The following USP12 variants were observed in gnomAD, a reference collection of about 807,000 sequenced individuals.
USP12 encodes ubiquitin specific peptidase 12, also known as ubiquitin carboxyl-terminal hydrolase 12.
A neutral mutation model predicts 45.5 loss-of-function variants in USP12; 19 were observed. The observed-to-expected ratio is 0.42, with a 90% CI of 0.29 to 0.61. The LOEUF (loss-of-function observed/expected upper bound fraction) is 0.61. Among genes scored for constraint, USP12 ranks in the 20% least tolerant of loss-of-function variants. USP12 has a pLI of 0.22. For missense variants in USP12, 242 were observed against 447.7 expected (o/e 0.54, Z 4.15); for synonymous variants, 149 against 148.8 (o/e 1.00, Z -0.01).
Position 27,154,311 on chromosome 13 carries a change from T to C in USP12, c.48+17281A>G, listed in dbSNP as rs532492724. ...GCATATAGCATAGGTTTTATTCATT[T>C]CATCCATTTTTGTAACCTCTCATGC... On this transcript the variant is annotated intron_variant, in intron 1 of 8. Transcript: ENST00000282344. Among the ~76,000 whole-genome samples, 27 of 125,560 alleles carry C rather than the reference T, an allele frequency of 2.2e-4. No homozygotes were observed. The South Asian group carries it at 0.011, about 51-fold the overall frequency. 82.4% of individuals were successfully genotyped at this position (125,560 alleles called of 152,430 possible).
intron 1 of USP12, among the ~76,000 whole-genome samples, chr13:27,154,291 T>C (rs926451534): frequency 6.6e-6 from 1 of 151,274 alleles, no homozygotes; most frequent in Non-Finnish European, 1.5e-5. Flanking sequence ...CAAGGGCATA[T>C]AGCATAGGTT....
At chr13:27,083,962 T>A (rs1218530134) in intron 6 of USP12, among the ~76,000 whole-genome samples, 4 of 151,610 alleles carry the variant, frequency 2.6e-5, no homozygotes, top group Non-Finnish European at 1.5e-5. Flanking sequence ...CCTCCCAGGT[T>A]CAAGTGATTC....
Position 27,122,600 on chromosome 13 carries a change from C to T in USP12, c.49-6004G>A, listed in dbSNP as rs188821501. Among the ~76,000 whole-genome samples, 672 of 151,892 alleles carry T rather than the reference C, an allele frequency of 4.4e-3. 3 individuals carry two copies. Among genetic ancestry groups the T allele is most frequent in the Non-Finnish European group, 6.8e-3 (463 of 67,988 alleles). ...CTGGGAAGTGGAAGCTGCAGTGAGC[C>T]GGGAGTGTGCCACTACACCCCAGCC... On this transcript the variant is annotated intron_variant, in intron 1 of 8. Transcript: ENST00000282344.
At chr13:27,153,306 C>CA (rs1197213129) in intron 1 of USP12, among the ~76,000 whole-genome samples, 6 of 150,218 alleles carry the variant, frequency 4.0e-5, no homozygotes, top group Admixed American at 6.6e-5. Context: ...GACTCCGTCT[C>CA]AAAAAAAAAT....
At chr13:27,091,474 T>A (rs770423974) in intron 4 of USP12, among the ~76,000 whole-genome samples, 3 of 152,228 alleles carry the variant, frequency 2.0e-5, no homozygotes, top group Non-Finnish European at 4.4e-5. Context: ...ATATTTGCGA[T>A]TGAGTTGGTG....
chr13:27,066,254 C>T lies in USP12; in HGVS notation c.*3029G>A, dbSNP rs1872985715. On this transcript the variant is annotated 3_prime_UTR_variant, in exon 9 of 9. Coordinates refer to ENST00000282344, the MANE Select transcript of USP12 (RefSeq NM_182488.4). Reference sequence around the variant, plus strand: ...ACAGACATTATCTCTAATTAATCCCCACAACAACCCTGTGAGGTAGGTATT... The same window carrying T: ...ACAGACATTATCTCTAATTAATCCCTACAACAACCCTGTGAGGTAGGTATT... 1.3e-5 allele frequency: 2 copies of T among 152,118 alleles called. No individual in the cohort carries two copies. The highest frequency in any genetic ancestry group is 4.8e-5 in the African/African-American group (2 of 41,406). The allele number at this position is 152,118 out of a possible 1,614,324, so 9.4% of individuals were successfully genotyped here. A position where few individuals can be genotyped will look rare whatever the true frequency, so the allele number is the denominator to read the frequency against.
intron 6 of USP12, among the ~76,000 whole-genome samples, chr13:27,082,119 A>G (rs1430439806): frequency 2.0e-5 from 3 of 152,158 alleles, no homozygotes; most frequent in Admixed American, 6.5e-5. Flanking sequence ...CTGGGCGCTC[A>G]CTTCTCTCTA....
chr13:27,160,135 A>G (rs1878038191), intron 1 of USP12, among the ~76,000 whole-genome samples: 1 of 152,192 alleles, frequency 6.6e-6, no homozygotes, highest in African/African-American at 2.4e-5. Flanking sequence ...AAAACTCAAT[A>G]AAGAAAGAAA....
rs114531534 is a variant in USP12, at chr13:27,073,582, T to G, written c.932+1609A>C. On this transcript the variant is annotated intron_variant, in intron 7 of 8. Coordinates refer to ENST00000282344, the MANE Select transcript of USP12 (RefSeq NM_182488.4). ...AGTCAGGCATCTCAGCTCAGTATAT[T>G]GTGAGTAGAGCAATTCTAAAAATCT... is the stretch of plus-strand genomic sequence containing the variant. Among the ~76,000 whole-genome samples, 1,070 of 152,284 alleles carry G rather than the reference T, an allele frequency of 7.0e-3. 15 individuals carry two copies. The highest frequency in any genetic ancestry group is 0.024 in the African/African-American group (1,013 of 41,548).
At chr13:27,119,568 A>G (rs1453504399) in intron 1 of USP12, among the ~76,000 whole-genome samples, 2 of 152,252 alleles carry the variant, frequency 1.3e-5, no homozygotes, top group Non-Finnish European at 2.9e-5. Flanking sequence ...TAAGATTTTC[A>G]TGGCTAAAAC....
intron 3 of USP12, among the ~76,000 whole-genome samples, chr13:27,096,426 A>G (rs1302522335): frequency 6.6e-6 from 1 of 152,236 alleles, no homozygotes; most frequent in African/African-American, 2.4e-5. Context: ...GTGAGACTTT[A>G]TAATTCCACA....
intron 1 of USP12, among the ~76,000 whole-genome samples, chr13:27,143,216 T>A (rs765134384): frequency 6.6e-6 from 1 of 151,758 alleles, no homozygotes; most frequent in Admixed American, 6.6e-5. Flanking sequence ...TTGATTATTA[T>A]CAAACAACTA....
intron 1 of USP12, among the ~76,000 whole-genome samples, chr13:27,144,972 T>C (rs1218855748): frequency 1.3e-5 from 2 of 151,184 alleles, no homozygotes; most frequent in East Asian, 3.9e-4. Context: ...AAGGCAGAGG[T>C]GGGAGAATCA....
chr13:27,162,743 AAAGT>A (rs1197219898), intron 1 of USP12: 1 of 152,232 alleles, frequency 6.6e-6, no homozygotes, highest in Non-Finnish European at 1.5e-5. Flanking sequence ...TAATACAATG[AAAGT>A]AAGTTTGAAC....
chr13:27,099,176 C>T (rs769847418), intron 3 of USP12, among the ~76,000 whole-genome samples: 39 of 152,048 alleles, frequency 2.6e-4, no homozygotes, highest in Admixed American at 2.5e-3. Flanking sequence ...CAAAGGAAGA[C>T]GAGATTGAGG....
intron 3 of USP12, among the ~76,000 whole-genome samples, chr13:27,104,866 A>G (rs900314057): frequency 3.3e-5 from 5 of 152,220 alleles, no homozygotes; most frequent in African/African-American, 9.6e-5. Context: ...TAACAAATCA[A>G]CTAAAAATGC....
chr13:27,074,410 A>G (rs1281328165), intron 7 of USP12, among the ~76,000 whole-genome samples: 1 of 152,142 alleles, frequency 6.6e-6, no homozygotes, highest in Non-Finnish European at 1.5e-5. Context: ...AAAAAGAAAA[A>G]AAAAAAATTC....
intron 1 of USP12, among the ~76,000 whole-genome samples, chr13:27,143,190 A>G (rs1367931149): frequency 6.6e-6 from 1 of 152,222 alleles, no homozygotes; most frequent in Non-Finnish European, 1.5e-5. Flanking sequence ...AACATCATCA[A>G]AAAGAATGAT....
intron 2 of USP12, among the ~76,000 whole-genome samples, chr13:27,109,631 T>C (rs1292944206): frequency 6.6e-6 from 1 of 152,040 alleles, no homozygotes; most frequent in Non-Finnish European, 1.5e-5. Context: ...TAAAAAGTCA[T>C]CTTTGGCTGG....
Sources: allele counts gnomAD v4.1 joint callset (sites outside exome capture counted in the v4.1 genomes callset), GRCh38; gene constraint gnomAD v4.1.1; transcripts MANE v1.5; gene names NCBI Gene and HGNC (gene_info 2026-07-23, HGNC 2026-07-21).